The following CRIM1 variants were observed in gnomAD, a reference collection of about 807,000 sequenced individuals.
CRIM1 encodes the protein cysteine-rich motor neuron 1 protein.
CRIM1 carries 32 observed loss-of-function variants against 116.4 expected under a neutral mutation model. That is an observed-to-expected ratio of 0.27 (90% CI 0.21 to 0.37). CRIM1 has a LOEUF of 0.37. CRIM1 is among the 10% of genes least tolerant of loss of function. CRIM1 has a pLI of 1.00. For missense variants in CRIM1, 1,331 were observed against 1,354.8 expected (o/e 0.98, Z 0.28); for synonymous variants, 590 against 509.2 (o/e 1.16, Z -2.13).
At chr2:36,457,654 A>G (rs1220450180) in intron 4 of CRIM1, among the ~76,000 whole-genome samples, 1 of 152,118 alleles carries the variant, frequency 6.6e-6, no homozygotes, top group Admixed American at 6.5e-5. Flanking sequence ...GAAAACTGTG[A>G]GCCTAAGGAA....
chr2:36,401,187 A>G (rs1391322581), intron 2 of CRIM1, among the ~76,000 whole-genome samples: 12 of 152,164 alleles, frequency 7.9e-5, no homozygotes, highest in Admixed American at 7.9e-4. Flanking sequence ...GTTCCTGTGT[A>G]TTACTTATGT....
chr2:36,372,306 C>G (rs1253519958), intron 1 of CRIM1, among the ~76,000 whole-genome samples: 1 of 152,088 alleles, frequency 6.6e-6, no homozygotes, highest in Non-Finnish European at 1.5e-5. Context: ...ACTTCAGAGA[C>G]AGGAATTTTT....
chr2:36,479,809 T>C, intron 7 of CRIM1, 115 bp downstream of exon 7: 1 of 1,014,102 alleles, frequency 9.9e-7, no homozygotes, highest in Non-Finnish European at 1.5e-6. Context: ...CTTCACGCTG[T>C]TACCAGTTGC....
chr2:36,517,869 C>A (rs2287082), intron 12 of CRIM1, among the ~76,000 whole-genome samples: 45,042 of 152,096 alleles, frequency 0.3, 6,920 homozygotes, highest in Middle Eastern at 0.47. Flanking sequence ...ATTAACCAAA[C>A]GATTCTGTTA....
At chr2:36,360,375 G>A (rs539591669) in intron 1 of CRIM1, among the ~76,000 whole-genome samples, 3 of 152,266 alleles carry the variant, frequency 2.0e-5, no homozygotes, top group South Asian at 4.1e-4. Context: ...TTTTCTTGGT[G>A]ACTATTTACT....
chr2:36,373,779 C>T (rs1670107242), intron 1 of CRIM1, among the ~76,000 whole-genome samples: 2 of 144,912 alleles, frequency 1.4e-5, no homozygotes, highest in Non-Finnish European at 2.9e-5. Flanking sequence ...TGTGCATGTG[C>T]ATCCATGTGT....
At chr2:36,510,923 CTTTTTTTT>C (rs1013951561) in intron 9 of CRIM1, among the ~76,000 whole-genome samples, 4 of 109,188 alleles carry the variant, frequency 3.7e-5, no homozygotes, top group Admixed American at 9.4e-5. Flanking sequence ...GATTCCTTTT[CTTTTTTTT>C]TTTTTTTTTT....
intron 8 of CRIM1, among the ~76,000 whole-genome samples, chr2:36,505,288 G>A (rs997005227): frequency 4.6e-5 from 7 of 152,192 alleles, no homozygotes; most frequent in Non-Finnish European, 7.3e-5. Flanking sequence ...TAGATTCTTG[G>A]AAACTATGAC....
intron 9 of CRIM1, among the ~76,000 whole-genome samples, chr2:36,510,675 C>T (rs1449802321): frequency 6.6e-6 from 1 of 152,158 alleles, no homozygotes; most frequent in African/African-American, 2.4e-5. Flanking sequence ...GAGCTAAGGG[C>T]CATTACTTTT....
intron 4 of CRIM1, among the ~76,000 whole-genome samples, chr2:36,451,242 C>G (rs1193427363): frequency 6.6e-6 from 1 of 152,038 alleles, no homozygotes; most frequent in Admixed American, 6.6e-5. Flanking sequence ...ATGACCAATG[C>G]CAGTTTCAAA....
At chr2:36,484,434 T>C (rs1679664184) in intron 7 of CRIM1, among the ~76,000 whole-genome samples, 1 of 152,202 alleles carries the variant, frequency 6.6e-6, no homozygotes, top group Non-Finnish European at 1.5e-5. Flanking sequence ...AGAAATCTAT[T>C]TTGTGATTGA....
chr2:36,405,827 A>T (rs1236174441), intron 2 of CRIM1, among the ~76,000 whole-genome samples: 5 of 152,284 alleles, frequency 3.3e-5, no homozygotes, highest in Admixed American at 2.0e-4. Context: ...CAATTAAAAA[A>T]TTTTTTTCTC....
At chr2:36,521,705 T>G (rs926797587) in intron 12 of CRIM1, among the ~76,000 whole-genome samples, 3 of 152,136 alleles carry the variant, frequency 2.0e-5, no homozygotes, top group African/African-American at 7.2e-5. Flanking sequence ...AGCCATTAGG[T>G]CCCATTAGCT....
chr2:36,422,282 T>C (rs1013021242), intron 2 of CRIM1, among the ~76,000 whole-genome samples: 17 of 152,148 alleles, frequency 1.1e-4, no homozygotes, highest in African/African-American at 3.6e-4. Context: ...TAGGATACTT[T>C]AGTAGCACTC....
chr2:36,504,104 C>T (rs772244200), intron 8 of CRIM1, among the ~76,000 whole-genome samples: 1 of 152,064 alleles, frequency 6.6e-6, no homozygotes, highest in Non-Finnish European at 1.5e-5. Context: ...GAACTCCTGG[C>T]GTCAAGCAAT....
At chr2:36,429,665 G>C (rs760346761) in intron 2 of CRIM1, among the ~76,000 whole-genome samples, 1 of 152,226 alleles carries the variant, frequency 6.6e-6, no homozygotes, top group Non-Finnish European at 1.5e-5. Context: ...ATGTTTGCAA[G>C]TGGATATGGT....
chr2:36,488,533 A>G (rs1211367206), intron 7 of CRIM1, among the ~76,000 whole-genome samples: 1 of 152,228 alleles, frequency 6.6e-6, no homozygotes, highest in Non-Finnish European at 1.5e-5. Context: ...AATACGGGAC[A>G]TGTAACATGT....
Position 36,356,767 on chromosome 2 carries a change from GC to G in CRIM1, c.331+149del, listed in dbSNP as rs1668841243. Reference sequence around the variant, plus strand: ...GGGCGGCCGCCGCCCCCAGGAGAGTGCCCCCGCGGCCCTGCGTTCCCTCTCC... The same window carrying G: ...GGGCGGCCGCCGCCCCCAGGAGAGTGCCCCGCGGCCCTGCGTTCCCTCTCC... On this transcript the variant is annotated intron_variant, in intron 1 of 16. Coordinates refer to ENST00000280527, the MANE Select transcript of CRIM1 (RefSeq NM_016441.3). The surrounding 1 kb of genome is among the most constrained non-coding windows in gnomAD (Gnocchi z 4.3). The G allele has an allele frequency of 2.8e-5, 21 of 752,142 alleles. No individual in the cohort carries two copies. Among genetic ancestry groups the G allele is most frequent in the Non-Finnish European group, 4.0e-5 (19 of 475,630 alleles). The allele number at this position is 752,142 out of a possible 1,614,324, so 46.6% of individuals were successfully genotyped here. A position where few individuals can be genotyped will look rare whatever the true frequency, so the allele number is the denominator to read the frequency against.
chr2:36,517,578 G>A lies in CRIM1; in HGVS notation c.2206+36G>A, dbSNP rs201896335. 2.5e-5 allele frequency: 39 copies of A among 1,586,370 alleles called. 1 individual carries two copies. In the East Asian group the frequency reaches 8.3e-4, roughly 34 times the overall value. On this transcript the variant is annotated intron_variant, in intron 12 of 16. Transcript: ENST00000280527. ...CCATGCCTTGTGGGTGCTTGGTGGGGAAGGATGCAGCTCTGGGTGTTGTCA... is the reference window on the plus strand; with the variant it reads ...CCATGCCTTGTGGGTGCTTGGTGGGAAAGGATGCAGCTCTGGGTGTTGTCA...
Sources: gnomAD v4.1 joint callset for allele counts (sites outside exome capture counted in the v4.1 genomes callset) on GRCh38, gnomAD v4.1.1 for gene constraint, Gnocchi (gnomAD v3.1) non-coding constraint, MANE v1.5 for transcripts, NCBI Gene and HGNC (gene_info 2026-07-23, HGNC 2026-07-21) for gene names.